Variants in PRELID2 observed in about 807,000 individuals in gnomAD.
PRELID2 encodes the protein PRELI domain-containing protein 2.
Under a neutral mutation model 28.4 loss-of-function variants are expected in PRELID2, and 25 were observed. That is an observed-to-expected ratio of 0.88 (90% confidence interval 0.64 to 1.23). PRELID2 has a LOEUF of 1.23. PRELID2 is among the 50% of genes most tolerant of loss of function. The pLI is 0.00. For synonymous variants in PRELID2, 76 were observed against 71.6 expected (o/e 1.06, Z -0.31); for missense variants, 201 against 214.4 (o/e 0.94, Z 0.39).
the PRELID2 span, among the ~76,000 whole-genome samples, chr5:145,305,808 G>A: frequency 1.3e-5 from 2 of 152,080 alleles, no homozygotes; most frequent in African/African-American, 2.4e-5. Context: ...ACTCCAAACA[G>A]TTACTCTCAT....
intron 1 of PRELID2, among the ~76,000 whole-genome samples, chr5:145,627,572 C>T (rs760902897): frequency 8.5e-5 from 13 of 152,154 alleles, no homozygotes; most frequent in African/African-American, 2.2e-4. Context: ...ACCACACCAC[C>T]GCCATTTCTC....
intron 1 of PRELID2, among the ~76,000 whole-genome samples, chr5:145,529,727 C>T (rs1163563393): frequency 6.6e-6 from 1 of 151,092 alleles, no homozygotes; most frequent in East Asian, 2.0e-4. Flanking sequence ...CAAAAAAAAG[C>T]AAAATAATGT....
At chr5:145,512,289 C>G (rs1474179421) in intron 1 of PRELID2, among the ~76,000 whole-genome samples, 1 of 152,152 alleles carries the variant, frequency 6.6e-6, no homozygotes, top group African/African-American at 2.4e-5. Context: ...ACAGTGGGTG[C>G]AGCCCCCAGA....
the PRELID2 span, among the ~76,000 whole-genome samples, chr5:145,370,215 T>C: frequency 2.0e-5 from 3 of 152,178 alleles, no homozygotes; most frequent in African/African-American, 7.2e-5. Context: ...TCCTGAATGG[T>C]ACTGCCAAGG....
At chr5:145,259,961 A>G in the PRELID2 span, among the ~76,000 whole-genome samples, 1 of 152,200 alleles carries the variant, frequency 6.6e-6, no homozygotes, top group South Asian at 2.1e-4. Context: ...GGATCATGGG[A>G]GGGATTTCTC....
chr5:145,572,645 C>A (rs373757096), intron 1 of PRELID2, among the ~76,000 whole-genome samples: 5 of 152,122 alleles, frequency 3.3e-5, no homozygotes, highest in African/African-American at 1.2e-4. Context: ...GCCTTTGGCA[C>A]CCTGATTAAC....
chr5:145,268,396 C>T, the PRELID2 span, among the ~76,000 whole-genome samples: 2 of 151,980 alleles, frequency 1.3e-5, no homozygotes, highest in East Asian at 1.9e-4. Flanking sequence ...TTGAAGAGAC[C>T]GTCCTTTCCT....
chr5:145,457,858 G>A, the PRELID2 span, among the ~76,000 whole-genome samples: 21 of 152,116 alleles, frequency 1.4e-4, no homozygotes, highest in Non-Finnish European at 2.4e-4. Flanking sequence ...TAGAAACCAG[G>A]GGTCTTTATA....
Position 145,741,430 on chromosome 5 carries a change from A to G in PRELID2, n.70+23501T>C, listed in dbSNP as rs111217589. Among the ~76,000 whole-genome samples the G allele has an allele frequency of 7.0e-5, 8 of 113,526 alleles. 1 individual carries two copies. The South Asian group carries it at 1.1e-3, about 15-fold the overall frequency. The allele number at this position is 113,526 out of a possible 152,430, so 74.5% of individuals were successfully genotyped here. On this transcript the variant is annotated intron_variant and non_coding_transcript_variant, in intron 1 of 2. Coordinates refer to the PRELID2 transcript ENST00000510259. ...AAATTTATTTATAATTTATTTATAT[A>G]TAAACAAAATTTATTTATAAATAAT... is the stretch of plus-strand genomic sequence containing the variant.
the PRELID2 span, among the ~76,000 whole-genome samples, chr5:145,269,964 G>A: frequency 1.3e-5 from 2 of 150,138 alleles, 1 homozygote; most frequent in African/African-American, 4.9e-5. Context: ...ACTAAAAGAA[G>A]ACATAAATGG....
chr5:145,510,050 A>T (rs901784496), intron 1 of PRELID2, among the ~76,000 whole-genome samples: 1 of 152,182 alleles, frequency 6.6e-6, no homozygotes, highest in Non-Finnish European at 1.5e-5. Context: ...TTATCGGAAC[A>T]CCTTTTTGTC....
intron 5 of PRELID2, among the ~76,000 whole-genome samples, chr5:145,783,306 G>A (rs1461416879): frequency 2.0e-5 from 3 of 152,144 alleles, no homozygotes; most frequent in African/African-American, 4.8e-5. Flanking sequence ...TCACAGTCAA[G>A]GTAAAGGCAT....
the PRELID2 span, among the ~76,000 whole-genome samples, chr5:145,273,294 C>T: frequency 6.6e-6 from 1 of 152,126 alleles, no homozygotes; most frequent in Non-Finnish European, 1.5e-5. Context: ...TCCTCTCTGG[C>T]TGGACTGGGA....
chr5:145,355,913 T>C, the PRELID2 span, among the ~76,000 whole-genome samples: 1 of 152,132 alleles, frequency 6.6e-6, no homozygotes, highest in Non-Finnish European at 1.5e-5. Flanking sequence ...CAATTATTAT[T>C]AACAAATAAT....
At chr5:145,431,644 A>T in the PRELID2 span, among the ~76,000 whole-genome samples, 1 of 152,168 alleles carries the variant, frequency 6.6e-6, no homozygotes, top group African/African-American at 2.4e-5. Context: ...CTTCAATCTA[A>T]TCATAAGGAA....
Position 145,567,900 on chromosome 5 carries a change from C to T in PRELID2, n.71-94585G>A, listed in dbSNP as rs538057204. ...GCAGTGTGAAAACAGACTAATACAC[C>T]GATAAATCTGATGTTGGATAAATAA... On this transcript the variant is annotated intron_variant and non_coding_transcript_variant, in intron 1 of 2. Coordinates refer to the PRELID2 transcript ENST00000510259. Among the ~76,000 whole-genome samples the T allele has an allele frequency of 1.4e-3, 218 of 152,188 alleles. 1 individual carries two copies. Among genetic ancestry groups the T allele is most frequent in the African/African-American group, 5.1e-3 (212 of 41,538 alleles).
the PRELID2 span, among the ~76,000 whole-genome samples, chr5:145,407,262 G>A: frequency 6.6e-6 from 1 of 152,194 alleles, no homozygotes; most frequent in Non-Finnish European, 1.5e-5. Flanking sequence ...TAAACTTGGT[G>A]CTATGTGTGG....
chr5:145,443,296 T>C, the PRELID2 span, among the ~76,000 whole-genome samples: 1 of 152,100 alleles, frequency 6.6e-6, no homozygotes, highest in Non-Finnish European at 1.5e-5. Context: ...CTCTGTGCTC[T>C]GCTTCATGTT....
At chr5:145,653,290 C>T (rs1754332212) in intron 1 of PRELID2, among the ~76,000 whole-genome samples, 1 of 152,146 alleles carries the variant, frequency 6.6e-6, no homozygotes, top group Non-Finnish European at 1.5e-5. Flanking sequence ...GACTCCCACA[C>T]AATAATAATG....
Sources: gnomAD v4.1 joint callset for allele counts (sites outside exome capture counted in the v4.1 genomes callset) on GRCh38, gnomAD v4.1.1 for gene constraint, MANE v1.5 for transcripts, NCBI Gene and HGNC (gene_info 2026-07-23, HGNC 2026-07-21) for gene names.